JAKMIP3: variants seen among roughly 807,000 people sequenced by gnomAD.
JAKMIP3 encodes the protein Janus kinase and microtubule interacting protein 3.
Under a neutral mutation model 118.5 loss-of-function variants are expected in JAKMIP3, and 58 were observed. The ratio of observed to expected loss-of-function variants is 0.49; its 90% CI spans 0.40 to 0.61. The LOEUF (loss-of-function observed/expected upper bound fraction) is 0.61. JAKMIP3 is among the 20% of genes least tolerant of loss of function. The probability of loss-of-function intolerance (pLI) is 0.00; values close to 1 mark genes in which losing one functional copy is unlikely to be tolerated. For synonymous variants in JAKMIP3, 486 were observed against 451.2 expected, an observed-to-expected ratio of 1.08 and a Z score of -0.98; for missense variants, 950 against 1,109.0, an observed-to-expected ratio of 0.86 and a Z score of 2.04.
At chr10:132,055,093 G>C (rs2038203486) in intron 1 of JAKMIP3, among the ~76,000 whole-genome samples, 1 of 152,128 alleles carries the variant, frequency 6.6e-6, no homozygotes, top group Non-Finnish European at 1.5e-5. Context: ...AGGGCTGCTG[G>C]GGTTGGTTTT....
intron 1 of JAKMIP3, among the ~76,000 whole-genome samples, chr10:132,098,720 G>A (rs1184389631): frequency 6.6e-6 from 1 of 152,182 alleles, no homozygotes; most frequent in Non-Finnish European, 1.5e-5. Flanking sequence ...CCCATCCTGG[G>A]CCTGGTCTTT....
chr10:132,073,207 A>G (rs115878391), intron 1 of JAKMIP3, among the ~76,000 whole-genome samples: 44 of 151,976 alleles, frequency 2.9e-4, no homozygotes, highest in African/African-American at 1.1e-3. Flanking sequence ...TTTTTCTGAG[A>G]TGGTGTCTTG....
intron 1 of JAKMIP3, among the ~76,000 whole-genome samples, chr10:132,100,174 G>A (rs190600342): frequency 1.3e-5 from 2 of 151,460 alleles, no homozygotes; most frequent in African/African-American, 4.8e-5. Context: ...GCCCCCACAC[G>A]GACCCCCCGC....
At chr10:132,103,438 GGGGGAGAGGAGCAGCT>G (rs2045369445) in intron 1 of JAKMIP3, among the ~76,000 whole-genome samples, 1 of 82,332 alleles carries the variant, frequency 1.2e-5, no homozygotes, top group African/African-American at 6.4e-5. Flanking sequence ...AGGAGCACCT[GGGGGAGAGGAGCAGCT>G]GGGGGGGGGA....
upstream of JAKMIP3, among the ~76,000 whole-genome samples, chr10:132,065,494 G>A (rs1198251306): frequency 6.6e-6 from 1 of 152,038 alleles, no homozygotes; most frequent in Non-Finnish European, 1.5e-5. This position sits in a 1 kb window ranked among gnomAD's most constrained non-coding sequence, Gnocchi z 5.6. Context: ...CCAAGCAGGA[G>A]GGAAAGCCGG....
intron 1 of JAKMIP3, among the ~76,000 whole-genome samples, chr10:132,095,028 G>A (rs1057178026): frequency 2.6e-5 from 4 of 152,122 alleles, no homozygotes; most frequent in African/African-American, 4.8e-5. Flanking sequence ...AGCAGCACAG[G>A]CCTCACCCAG....
intron 1 of JAKMIP3, among the ~76,000 whole-genome samples, chr10:132,078,415 G>A (rs1375332815): frequency 2.0e-5 from 3 of 151,548 alleles, no homozygotes; most frequent in Non-Finnish European, 4.4e-5. Context: ...CCAGAGATTT[G>A]AAAAATGCTC....
At chr10:132,145,211 A>G (rs748764820) in intron 12 of JAKMIP3, 21 bp downstream of exon 12, 26 of 1,585,456 alleles carry the variant, frequency 1.6e-5, no homozygotes, top group Non-Finnish European at 2.2e-5. Flanking sequence ...AGCCATCTGC[A>G]CGGGCGTGGG....
At chr10:132,177,735 G>A (rs1416407215) in intron 23 of JAKMIP3, among the ~76,000 whole-genome samples, 1 of 147,790 alleles carries the variant, frequency 6.8e-6, no homozygotes. Flanking sequence ...GTGTGTGTGT[G>A]TGCACACTGC....
intron 3 of JAKMIP3, among the ~76,000 whole-genome samples, chr10:132,123,121 G>A (rs1203254032): frequency 6.6e-6 from 1 of 152,214 alleles, no homozygotes; most frequent in African/African-American, 2.4e-5. Flanking sequence ...AAAGTCAGAC[G>A]TGGAAGGGGC....
At chr10:132,109,157 T>C (rs1475821709) in intron 2 of JAKMIP3, among the ~76,000 whole-genome samples, 3 of 150,340 alleles carry the variant, frequency 2.0e-5, no homozygotes, top group Non-Finnish European at 3.0e-5. Flanking sequence ...TACACACACA[T>C]ATATTAAAAA....
chr10:132,136,917 G>A, intron 6 of JAKMIP3, 102 bp from the exon 7 acceptor site: 1 of 1,326,076 alleles, frequency 7.5e-7, no homozygotes, highest in Non-Finnish European at 1.0e-6. Flanking sequence ...GCAGCTGAGA[G>A]TGGCAGCCCG....
At chr10:132,083,119 T>C (rs912178764) in intron 1 of JAKMIP3, among the ~76,000 whole-genome samples, 1 of 152,244 alleles carries the variant, frequency 6.6e-6, no homozygotes, top group Non-Finnish European at 1.5e-5. Context: ...CTGTTTTCCA[T>C]AGTGGCTGTA....
chr10:132,107,301 T>G (rs2046064561), intron 2 of JAKMIP3, among the ~76,000 whole-genome samples: 1 of 152,194 alleles, frequency 6.6e-6, no homozygotes, highest in African/African-American at 2.4e-5. Context: ...TTTGTGCAGT[T>G]TTGCCAAAAC....
intron 3 of JAKMIP3, among the ~76,000 whole-genome samples, chr10:132,131,661 C>T (rs1195524717): frequency 6.6e-6 from 1 of 152,028 alleles, no homozygotes; most frequent in Non-Finnish European, 1.5e-5. Flanking sequence ...GAAGCCATAG[C>T]ATTCGTCCCA....
rs150396996 is a variant in JAKMIP3, at chr10:132,118,941, C to T, written c.633+1367C>T. ...GTGGCTGCCTCTGCCCAGTGCCACA[C>T]GACCCTTTCATTTGTCTTGGTTGGA... On this transcript the variant is annotated intron_variant, in intron 3 of 23. Coordinates refer to ENST00000684848, the MANE Select transcript of JAKMIP3 (RefSeq NM_001323087.2). This position sits in a 1 kb window ranked among gnomAD's most constrained non-coding sequence, Gnocchi z 4.8. Among the ~76,000 whole-genome samples the T allele has an allele frequency of 0.011, 1,680 of 152,254 alleles. 37 individuals are homozygous for T. Among genetic ancestry groups the T allele is most frequent in the African/African-American group, 0.039 (1,600 of 41,540 alleles).
At chr10:132,091,340 C>A (rs1422979639) in intron 1 of JAKMIP3, among the ~76,000 whole-genome samples, 6 of 152,132 alleles carry the variant, frequency 3.9e-5, no homozygotes, top group Non-Finnish European at 1.5e-5. Flanking sequence ...TCCTTGTTAA[C>A]TTTCTGTCTT....
At chr10:132,138,242 C>A in intron 9 of JAKMIP3, 64 bp downstream of exon 9, 14 of 1,420,556 alleles carry the variant, frequency 9.9e-6, no homozygotes, top group Non-Finnish European at 1.3e-5. Flanking sequence ...GGACCACGCC[C>A]GCGTGTGTGG....
chr10:132,133,359 A>G lies in JAKMIP3; in HGVS notation c.681A>G (p.Arg227=). Reference sequence around the variant, plus strand: ...ACAGAGCAGTCTTCGTGCTGGAGAGAGAGTTAGGGGTTCAAGCCGGGCATG... The same window carrying G: ...ACAGAGCAGTCTTCGTGCTGGAGAGGGAGTTAGGGGTTCAAGCCGGGCATG... ...FKDRAVFVLE[R]ELGVQAGHAQ... Residue 227 remains arginine, a synonymous_variant, in exon 4 of 24, where the codon AGA becomes AGG. Transcript: ENST00000684848. 6.2e-7 allele frequency: 1 copy of G among 1,602,108 alleles called. No homozygotes were observed.
Sources: gnomAD v4.1 joint callset for allele counts (sites outside exome capture counted in the v4.1 genomes callset) on GRCh38, gnomAD v4.1.1 for gene constraint, Gnocchi (gnomAD v3.1) non-coding constraint, MANE v1.5 for transcripts, NCBI Gene and HGNC (gene_info 2026-07-23, HGNC 2026-07-21) for gene names.